The following NR3C1 variants were observed in gnomAD, a reference collection of about 807,000 sequenced individuals.
NR3C1 encodes the protein glucocorticoid receptor.
NR3C1 carries 14 observed loss-of-function variants against 74.0 expected under a neutral mutation model. The ratio of observed to expected loss-of-function variants is 0.19; its 90% confidence interval spans 0.12 to 0.30. NR3C1 has a LOEUF of 0.30. Ranked by LOEUF, NR3C1 falls within the 10% of genes least tolerant of loss-of-function variation. The probability of loss-of-function intolerance (pLI) is 1.00; values close to 1 mark genes in which losing one functional copy is unlikely to be tolerated. For synonymous variants in NR3C1, 308 were observed against 332.5 expected (o/e 0.93, Z 0.80); for missense variants, 695 against 909.8 (o/e 0.76, Z 3.04).
At chr5:143,319,071 C>T (rs1378535086) in intron 2 of NR3C1, among the ~76,000 whole-genome samples, 2 of 152,154 alleles carry the variant, frequency 1.3e-5, no homozygotes, top group African/African-American at 4.8e-5. Flanking sequence ...GGGAGACTCC[C>T]AGGGCCCCAT....
At chr5:143,303,956 G>C (rs1270831718) in intron 4 of NR3C1, among the ~76,000 whole-genome samples, 1 of 152,064 alleles carries the variant, frequency 6.6e-6, no homozygotes, top group Non-Finnish European at 1.5e-5. Flanking sequence ...CAAACCAACA[G>C]CCAACATCAT....
At position 143,364,732 on chromosome 5, in the gene NR3C1, G is replaced by C. The variant is rs1325408325; in HGVS notation, c.1184+34924C>G. Among the ~76,000 whole-genome samples, 4 of 151,990 alleles carry C rather than the reference G, an allele frequency of 2.6e-5. No homozygotes were observed. The East Asian group carries it at 5.8e-4, about 22-fold the overall frequency. On this transcript the variant is annotated intron_variant, in intron 2 of 8. Coordinates refer to ENST00000394464, the MANE Select transcript of NR3C1 (RefSeq NM_000176.3). ...TTTTTTCCTTCATTTCTTTGGGCTA[G>C]TTTTGCCCTGGTACCCAGGCTGGAG... is the stretch of plus-strand genomic sequence containing the variant.
chr5:143,382,611 T>C (rs1836451619), intron 2 of NR3C1, among the ~76,000 whole-genome samples: 1 of 152,334 alleles, frequency 6.6e-6, no homozygotes, highest in East Asian at 1.9e-4. Context: ...GGTTATGAAT[T>C]TGGTCAAGTT....
At position 143,403,352 on chromosome 5, in the gene NR3C1, T is replaced by G; in HGVS notation, c.-155A>C. 1 of 985,438 alleles carries G rather than the reference T, an allele frequency of 1.0e-6. No homozygotes were observed. The highest frequency in any genetic ancestry group is 1.2e-6 in the Non-Finnish European group (1 of 829,958). The allele number at this position is 985,438 out of a possible 1,614,324, so 61.0% of individuals were successfully genotyped here. A position where few individuals can be genotyped will look rare whatever the true frequency, so the allele number is the denominator to read the frequency against. On this transcript the variant is annotated 5_prime_UTR_variant, in exon 1 of 9. Coordinates refer to ENST00000394464, the MANE Select transcript of NR3C1 (RefSeq NM_000176.3). ...AAAAAGGAAGTAAACAGCCGCCCCT[T>G]TCTCCATGGGTGGGGGGAGAGCCCC...
At chr5:143,338,528 ATG>A (rs943390045) in intron 2 of NR3C1, among the ~76,000 whole-genome samples, 2 of 152,246 alleles carry the variant, frequency 1.3e-5, no homozygotes, top group Middle Eastern at 3.4e-3. Flanking sequence ...GCCTAGGTTA[ATG>A]TGTGTGTTTG....
intron 2 of NR3C1, 48 bp downstream of exon 2, chr5:143,399,608 C>T: frequency 7.7e-7 from 1 of 1,306,438 alleles, no homozygotes; most frequent in Non-Finnish European, 1.1e-6. Flanking sequence ...ATCTATTAAT[C>T]TACCTTAAAT....
At chr5:143,353,590 G>A (rs939334254) in intron 2 of NR3C1, among the ~76,000 whole-genome samples, 3 of 152,192 alleles carry the variant, frequency 2.0e-5, no homozygotes, top group East Asian at 1.9e-4. Context: ...GCTCTTGGGT[G>A]AGCCCAGGTG....
chr5:143,403,207 T>C lies in NR3C1; in HGVS notation c.-14+4A>G, dbSNP rs1388702457. 4.1e-6 allele frequency: 4 copies of C among 984,896 alleles called. No homozygotes were observed. Among genetic ancestry groups the C allele is most frequent in the African/African-American group, 3.5e-5 (2 of 57,110 alleles). The allele number at this position is 984,896 out of a possible 1,614,324, so 61.0% of individuals were successfully genotyped here. A position where few individuals can be genotyped will look rare whatever the true frequency, so the allele number is the denominator to read the frequency against. On this transcript the variant is annotated splice_donor_region_variant and intron_variant, in intron 1 of 8. Coordinates refer to ENST00000394464, the MANE Select transcript of NR3C1 (RefSeq NM_000176.3). ...CCCCGGCCCCCTCCCGCCTCGCTTC[T>C]TACCTCTGGCAGAGGAGCCGCTCGC...
chr5:143,323,850 A>G (rs1823950205), intron 2 of NR3C1, among the ~76,000 whole-genome samples: 1 of 152,136 alleles, frequency 6.6e-6, no homozygotes, highest in Non-Finnish European at 1.5e-5. Context: ...TGGCCAAAAC[A>G]AAGGGGTTAC....
chr5:143,387,087 A>G (rs1209142865), intron 2 of NR3C1, among the ~76,000 whole-genome samples: 1 of 152,252 alleles, frequency 6.6e-6, no homozygotes, highest in African/African-American at 2.4e-5. Context: ...ACTATTGATA[A>G]GAGTAATAAG....
At chr5:143,297,870 G>T (rs529375237) in intron 6 of NR3C1, among the ~76,000 whole-genome samples, 17 of 152,258 alleles carry the variant, frequency 1.1e-4, no homozygotes, top group Admixed American at 9.2e-4. Flanking sequence ...GAAAACAATG[G>T]GAGAGGAAGT....
At chr5:143,409,099 T>G (rs193221247) in intron 1 of NR3C1, 28 of 152,276 alleles carry the variant, frequency 1.8e-4, no homozygotes, top group African/African-American at 6.5e-4. Flanking sequence ...GCTCAACTGG[T>G]GGGAGCAGAA....
At chr5:143,368,564 CA>C (rs1833689765) in intron 2 of NR3C1, among the ~76,000 whole-genome samples, 5 of 151,330 alleles carry the variant, frequency 3.3e-5, no homozygotes, top group South Asian at 2.1e-4. Flanking sequence ...CACACACACA[CA>C]CACCGACAAC....
intron 2 of NR3C1, among the ~76,000 whole-genome samples, chr5:143,378,201 A>C (rs947071064): frequency 6.6e-6 from 1 of 152,122 alleles, no homozygotes; most frequent in African/African-American, 2.4e-5. Context: ...CAGTGATCCA[A>C]GTTTGCCCCA....
chr5:143,385,363 T>C (rs1223489913), intron 2 of NR3C1, among the ~76,000 whole-genome samples: 1 of 152,238 alleles, frequency 6.6e-6, no homozygotes, highest in East Asian at 1.9e-4. Flanking sequence ...TTTCTGCAGC[T>C]CACTTGAATT....
At chr5:143,346,699 C>T (rs1157702291) in intron 2 of NR3C1, among the ~76,000 whole-genome samples, 1 of 152,132 alleles carries the variant, frequency 6.6e-6, no homozygotes, top group African/African-American at 2.4e-5. Context: ...CAAAGTATAG[C>T]AGCAAAATTG....
At chr5:143,306,732 A>G (rs961103872) in intron 4 of NR3C1, among the ~76,000 whole-genome samples, 2 of 152,210 alleles carry the variant, frequency 1.3e-5, no homozygotes, top group African/African-American at 2.4e-5. Flanking sequence ...AGAAGAATGT[A>G]TATCAAAGAC....
intron 2 of NR3C1, chr5:143,332,787 G>C (rs1826267006): frequency 6.4e-7 from 1 of 1,563,252 alleles, no homozygotes; most frequent in Non-Finnish European, 8.7e-7. Flanking sequence ...CGAAAGGATT[G>C]ATGGCGTGAG....
intron 2 of NR3C1, among the ~76,000 whole-genome samples, chr5:143,397,405 T>G (rs1265009028): frequency 1.3e-5 from 2 of 151,914 alleles, no homozygotes; most frequent in African/African-American, 4.8e-5. Context: ...ATGTAACATA[T>G]AGAGAAGAGA....
Sources: gnomAD v4.1 joint callset for allele counts (sites outside exome capture counted in the v4.1 genomes callset) on GRCh38, gnomAD v4.1.1 for gene constraint, MANE v1.5 for transcripts, NCBI Gene and HGNC (gene_info 2026-07-23, HGNC 2026-07-21) for gene names.